The following KLF12 variants were observed in gnomAD, a reference collection of about 807,000 sequenced individuals.
KLF12 encodes Krueppel-like factor 12.
A neutral mutation model predicts 37.8 loss-of-function variants in KLF12; 9 were observed. The observed-to-expected ratio is 0.24, with a 90% CI of 0.14 to 0.42. KLF12 has a LOEUF of 0.42. KLF12 is among the 10% of genes least tolerant of loss of function. The pLI, the probability that KLF12 is intolerant of heterozygous loss-of-function variation, is 1.00. For synonymous variants in KLF12, 208 were observed against 202.1 expected (o/e 1.03, Z -0.25); for missense variants, 411 against 516.0 (o/e 0.80, Z 1.97).
At chr13:74,043,450 T>C (rs1350652152) in intron 1 of KLF12, among the ~76,000 whole-genome samples, 1 of 152,064 alleles carries the variant, frequency 6.6e-6, no homozygotes, top group Non-Finnish European at 1.5e-5. Flanking sequence ...AGTGGGAAAA[T>C]GGAATTTAAC....
intron 3 of KLF12, among the ~76,000 whole-genome samples, chr13:73,905,757 G>T (rs1384583143): frequency 1.3e-5 from 2 of 148,904 alleles, no homozygotes; most frequent in East Asian, 3.9e-4. Flanking sequence ...TTTTTCACAT[G>T]AAACATCCAT....
chr13:73,735,128 T>TAA (rs34423201), intron 6 of KLF12, among the ~76,000 whole-genome samples: 3 of 93,618 alleles, frequency 3.2e-5, no homozygotes, highest in African/African-American at 3.9e-5. Context: ...CCTCTACTAT[T>TAA]AAAAAAAAAA....
chr13:73,812,831 T>C, intron 5 of KLF12: 1 of 205,890 alleles, frequency 4.9e-6, no homozygotes, highest in Non-Finnish European at 9.7e-6. Context: ...TGTGTAATAA[T>C]AATGATGATG....
chr13:73,738,983 C>A (rs1214647739), intron 6 of KLF12, among the ~76,000 whole-genome samples: 1 of 152,082 alleles, frequency 6.6e-6, no homozygotes, highest in Non-Finnish European at 1.5e-5. Context: ...GCCTGTATTT[C>A]CAGCACTTTG....
intron 1 of KLF12, among the ~76,000 whole-genome samples, chr13:74,088,465 C>T (rs1185885500): frequency 1.3e-5 from 2 of 152,070 alleles, no homozygotes; most frequent in African/African-American, 2.4e-5. Context: ...TGATCTTAAG[C>T]GATCCGCCCA....
chr13:73,993,907 C>A (rs1470411337), intron 2 of KLF12, among the ~76,000 whole-genome samples: 2 of 152,180 alleles, frequency 1.3e-5, no homozygotes, highest in African/African-American at 4.8e-5. Context: ...CACCACTGAT[C>A]CACATGCAAA....
At chr13:74,160,712 G>C in the KLF12 span, among the ~76,000 whole-genome samples, 1 of 152,180 alleles carries the variant, frequency 6.6e-6, no homozygotes, top group Non-Finnish European at 1.5e-5. Context: ...AACCTGTGGA[G>C]GTTAAGGGAG....
rs150506423 is a variant in KLF12, at chr13:73,967,625, A to T, written c.34-23555T>A. The stretch of plus-strand genomic sequence containing the variant: ...CAAAACAGTCATCCAGTCATAAGGC[A>T]GGTCTGTCTCTTCATCAATAAGCCT... On this transcript the variant is annotated intron_variant, in intron 2 of 7. Coordinates refer to ENST00000377669, the MANE Select transcript of KLF12 (RefSeq NM_007249.5). Among the ~76,000 whole-genome samples, 36 of 152,310 alleles carry T rather than the reference A, an allele frequency of 2.4e-4. 1 individual carries two copies. The highest frequency in any genetic ancestry group is 2.4e-5 in the African/African-American group (1 of 41,564).
At position 73,749,761 on chromosome 13, in the gene KLF12, C is replaced by T. The variant is rs142943876; in HGVS notation, c.869+15177G>A. Among the ~76,000 whole-genome samples, 84 of 152,084 alleles carry T rather than the reference C, an allele frequency of 5.5e-4. No homozygotes were observed. The East Asian group carries it at 0.016, about 28-fold the overall frequency. ...TCTTTTATAATACTATATGGATTGT[C>T]GAAAGAAGAAGAGAAAGGAAACTTA... is the stretch of plus-strand genomic sequence containing the variant. On this transcript the variant is annotated intron_variant, in intron 6 of 7. Transcript: ENST00000377669.
rs1434304638 is a variant in KLF12, at chr13:74,017,685, T to C, written c.-31-22632A>G. On this transcript the variant is annotated intron_variant, in intron 1 of 7. Transcript: ENST00000377669. ...TTTTCCTGAGATAAGTTGGCGACTG[T>C]CAAAAAAGACAGAAATGATACACAC... Among the ~76,000 whole-genome samples the C allele has an allele frequency of 4.6e-5, 7 of 151,440 alleles. No homozygotes were observed. In the Admixed American group the frequency reaches 4.6e-4, roughly 10 times the overall value.
intron 3 of KLF12, among the ~76,000 whole-genome samples, chr13:73,912,285 C>T (rs1888605693): frequency 6.6e-6 from 1 of 152,142 alleles, no homozygotes; most frequent in East Asian, 1.9e-4. Flanking sequence ...AAAACATAAA[C>T]TTAAACACTC....
At chr13:73,976,999 C>T (rs1163750802) in intron 2 of KLF12, among the ~76,000 whole-genome samples, 1 of 151,268 alleles carries the variant, frequency 6.6e-6, no homozygotes, top group Non-Finnish European at 1.5e-5. Flanking sequence ...TAAGTGAAAG[C>T]TTTATCTATT....
chr13:74,141,859 A>G, the KLF12 span, among the ~76,000 whole-genome samples: 4 of 152,196 alleles, frequency 2.6e-5, no homozygotes, highest in Admixed American at 1.3e-4. Context: ...GGAACAACCA[A>G]CTGGCAGTTG....
At chr13:74,043,111 T>C (rs1229346978) in intron 1 of KLF12, among the ~76,000 whole-genome samples, 1 of 152,246 alleles carries the variant, frequency 6.6e-6, no homozygotes, top group Non-Finnish European at 1.5e-5. Flanking sequence ...CATGAGATAC[T>C]ATGTTTTCAT....
intron 3 of KLF12, among the ~76,000 whole-genome samples, chr13:73,928,032 A>G (rs1323589639): frequency 6.6e-6 from 1 of 151,438 alleles, no homozygotes; most frequent in Non-Finnish European, 1.5e-5. Flanking sequence ...TAATTTTTGT[A>G]TTTTTAGTAG....
intron 3 of KLF12, among the ~76,000 whole-genome samples, chr13:73,940,730 T>C (rs1356850275): frequency 6.6e-6 from 1 of 152,226 alleles, no homozygotes; most frequent in African/African-American, 2.4e-5. Flanking sequence ...GTCCTTGTCC[T>C]CTAGGAGTTT....
At chr13:73,698,978 T>G (rs1334088545) in intron 7 of KLF12, among the ~76,000 whole-genome samples, 1 of 152,170 alleles carries the variant, frequency 6.6e-6, no homozygotes. Flanking sequence ...CGATTCAAAT[T>G]CTAACAGTCC....
intron 6 of KLF12, among the ~76,000 whole-genome samples, chr13:73,739,429 T>A (rs1466832187): frequency 1.3e-5 from 2 of 152,118 alleles, no homozygotes; most frequent in Non-Finnish European, 2.9e-5. Flanking sequence ...TAAGGTATTG[T>A]TGTTTACCTC....
At chr13:74,203,370 A>T in the KLF12 span, among the ~76,000 whole-genome samples, 3 of 152,078 alleles carry the variant, frequency 2.0e-5, no homozygotes, top group African/African-American at 7.2e-5. Flanking sequence ...TTTGGAGGGA[A>T]CACTATTCCT....
Sources: gnomAD v4.1 joint callset for allele counts (sites outside exome capture counted in the v4.1 genomes callset) on GRCh38, gnomAD v4.1.1 for gene constraint, MANE v1.5 for transcripts, NCBI Gene and HGNC (gene_info 2026-07-23, HGNC 2026-07-21) for gene names.